Variants in SFMBT2 observed in about 807,000 individuals in gnomAD.
The protein encoded by SFMBT2 is scm-like with four MBT domains protein 2.
In SFMBT2, 38 loss-of-function variants were observed where a neutral mutation model predicts 110.1. The observed-to-expected ratio is 0.35, with a 90% CI of 0.27 to 0.45. The LOEUF is 0.45. Among genes scored for constraint, SFMBT2 ranks in the 20% least tolerant of loss-of-function variants. SFMBT2 has a pLI of 1.00. For synonymous variants in SFMBT2, 425 were observed against 425.4 expected, an observed-to-expected ratio of 1.00 and a Z score of 0.01; for missense variants, 1,011 against 1,094.9, an observed-to-expected ratio of 0.92 and a Z score of 1.08.
intron 6 of SFMBT2, among the ~76,000 whole-genome samples, chr10:7,281,616 T>C (rs201897311): frequency 6.6e-6 from 1 of 152,278 alleles, no homozygotes; most frequent in East Asian, 1.9e-4. Flanking sequence ...TCTGTCCCCA[T>C]GTGTACAACA....
intron 6 of SFMBT2, among the ~76,000 whole-genome samples, chr10:7,277,928 C>T (rs543167515): frequency 6.6e-6 from 1 of 152,314 alleles, no homozygotes; most frequent in East Asian, 1.9e-4. Context: ...TATTTTGATC[C>T]TCATAGCTTT....
At position 7,188,745 on chromosome 10, in the gene SFMBT2, A is replaced by G; in HGVS notation, c.1699-12T>C. ...ATCATGCTAAGAACCTTTTGGGGAA[A>G]AAAATAAGCAGACTGAGCTGCAATT... On this transcript the variant is annotated splice_polypyrimidine_tract_variant and intron_variant, in intron 15 of 20. Transcript: ENST00000397167. The G allele has an allele frequency of 1.2e-6, 2 of 1,604,256 alleles. No individual in the cohort carries two copies. Among genetic ancestry groups the G allele is most frequent in the East Asian group, 2.2e-5 (1 of 44,738 alleles).
rs1451650279 is a variant in SFMBT2, at chr10:7,215,459, T to C, written c.1330+4952A>G. 4.0e-6 allele frequency: 3 copies of C among 748,912 alleles called. No individual in the cohort carries two copies. In the East Asian group the frequency reaches 3.9e-4, roughly 97 times the overall value. 46.4% of individuals were successfully genotyped at this position (748,912 alleles called of 1,614,324 possible). On this transcript the variant is annotated intron_variant, in intron 11 of 20. Transcript: ENST00000397167. ...AATGTTTCCTATGGTCTTGAACCTG[T>C]TTTAGGGGATCTCCATAGATTAATT...
At chr10:7,316,522 G>T (rs948885347) in intron 4 of SFMBT2, among the ~76,000 whole-genome samples, 1 of 152,158 alleles carries the variant, frequency 6.6e-6, no homozygotes, top group Non-Finnish European at 1.5e-5. Context: ...GGGACGACAG[G>T]CCAGCCACGG....
chr10:7,253,714 T>G (rs1364882997), intron 7 of SFMBT2, among the ~76,000 whole-genome samples: 1 of 151,852 alleles, frequency 6.6e-6, no homozygotes, highest in Non-Finnish European at 1.5e-5. Flanking sequence ...TATCTTATCC[T>G]ACTGAACTTC....
intron 20 of SFMBT2, among the ~76,000 whole-genome samples, chr10:7,165,569 T>A (rs1167338152): frequency 6.6e-6 from 1 of 152,232 alleles, no homozygotes; most frequent in Admixed American, 6.5e-5. Flanking sequence ...CAACATTAAC[T>A]TTAAAAGTAT....
At chr10:7,232,764 T>G (rs547793645) in intron 9 of SFMBT2, among the ~76,000 whole-genome samples, 1 of 152,206 alleles carries the variant, frequency 6.6e-6, no homozygotes, top group African/African-American at 2.4e-5. Context: ...ACAAAATTAT[T>G]TCATTAATAA....
chr10:7,367,047 T>A lies in SFMBT2; in HGVS notation c.436+602A>T, dbSNP rs150406337. Among the ~76,000 whole-genome samples the A allele has an allele frequency of 3.1e-3, 476 of 152,138 alleles. 2 individuals carry two copies. The highest frequency in any genetic ancestry group is 0.011 in the African/African-American group (450 of 41,508). On this transcript the variant is annotated intron_variant, in intron 4 of 20. Transcript: ENST00000397167. The surrounding 1 kb of genome is among the most constrained non-coding windows in gnomAD (Gnocchi z 6.2). ...CTTGAGACCAATGTCATTTCTCTCA[T>A]CTGTATGGTTTTCTTTCTTTCTTTT...
At chr10:7,289,950 A>C (rs974861829) in intron 4 of SFMBT2, among the ~76,000 whole-genome samples, 5 of 152,184 alleles carry the variant, frequency 3.3e-5, no homozygotes, top group African/African-American at 1.2e-4. Flanking sequence ...TTAAAACTAT[A>C]AACTTTATTC....
At chr10:7,298,719 G>C (rs1159136888) in intron 4 of SFMBT2, among the ~76,000 whole-genome samples, 1 of 148,048 alleles carries the variant, frequency 6.8e-6, no homozygotes, top group East Asian at 1.9e-4. Context: ...ATGTGCGTAT[G>C]TATGTGTGTA....
In SFMBT2 at chr10:7,276,695, T is replaced by A. The variant is rs903258667; in HGVS notation, c.870+197A>T. The stretch of plus-strand genomic sequence containing the variant: ...AGGCACACACCACACGCCTGGCTAA[T>A]TTTTGTATTTTTAGTAGAAATAGGG... On this transcript the variant is annotated intron_variant, in intron 7 of 20. Transcript: ENST00000397167. Among the ~76,000 whole-genome samples the A allele has an allele frequency of 5.3e-5, 8 of 152,110 alleles. No homozygotes were observed. In the East Asian group the frequency reaches 1.5e-3, roughly 29 times the overall value.
At chr10:7,395,351 G>A (rs543082200) in intron 1 of SFMBT2, among the ~76,000 whole-genome samples, 5 of 152,344 alleles carry the variant, frequency 3.3e-5, no homozygotes, top group Middle Eastern at 3.4e-3. Flanking sequence ...CTCCATGGCC[G>A]TCTGGCTTCC....
chr10:7,175,642 T>G (rs1838030598), intron 17 of SFMBT2, among the ~76,000 whole-genome samples: 1 of 152,222 alleles, frequency 6.6e-6, no homozygotes, highest in Non-Finnish European at 1.5e-5. Flanking sequence ...TCATCTGGGT[T>G]ACTGTTACTG....
intron 16 of SFMBT2, among the ~76,000 whole-genome samples, chr10:7,186,869 G>A (rs905097137): frequency 3.9e-5 from 6 of 152,200 alleles, no homozygotes; most frequent in African/African-American, 9.7e-5. Flanking sequence ...GCTTTGAGAC[G>A]CTGCTATGAT....
At chr10:7,182,004 G>A (rs1213398614) in intron 16 of SFMBT2, among the ~76,000 whole-genome samples, 1 of 152,152 alleles carries the variant, frequency 6.6e-6, no homozygotes, top group Non-Finnish European at 1.5e-5. Context: ...TGAGCTCCAC[G>A]TGACAGACCT....
At chr10:7,262,632 G>A (rs1841243002) in intron 7 of SFMBT2, among the ~76,000 whole-genome samples, 1 of 152,192 alleles carries the variant, frequency 6.6e-6, no homozygotes, top group African/African-American at 2.4e-5. Context: ...AATTCTTAAC[G>A]TTTAGGATTA....
intron 4 of SFMBT2, among the ~76,000 whole-genome samples, chr10:7,304,514 C>T (rs140896491): frequency 1.0e-3 from 152 of 152,244 alleles, no homozygotes; most frequent in African/African-American, 3.5e-3. Flanking sequence ...CAAGGAGTCC[C>T]TAACTTAACA....
At chr10:7,282,368 G>C (rs1015868064) in intron 6 of SFMBT2, among the ~76,000 whole-genome samples, 6 of 152,134 alleles carry the variant, frequency 3.9e-5, no homozygotes, top group African/African-American at 1.4e-4. Flanking sequence ...CCTTTGCTTT[G>C]CTGTAAATTT....
intron 7 of SFMBT2, chr10:7,249,463 C>G: frequency 1.1e-6 from 1 of 947,652 alleles, no homozygotes; most frequent in Non-Finnish European, 1.3e-6. Flanking sequence ...TCTGGATAAA[C>G]AGCAGTGGAT....
Sources: gnomAD v4.1 joint callset for allele counts (sites outside exome capture counted in the v4.1 genomes callset) on GRCh38, gnomAD v4.1.1 for gene constraint, Gnocchi (gnomAD v3.1) non-coding constraint, MANE v1.5 for transcripts, NCBI Gene and HGNC (gene_info 2026-07-23, HGNC 2026-07-21) for gene names.